FAT4: variants seen among roughly 807,000 people sequenced by gnomAD.
The protein encoded by FAT4 is FAT atypical cadherin 4, also known as protocadherin Fat 4.
In FAT4, 84 loss-of-function variants were observed where a neutral mutation model predicts 303.9. That is an observed-to-expected ratio of 0.28 (90% CI 0.23 to 0.33). The LOEUF (loss-of-function observed/expected upper bound fraction) is 0.33, where lower values mean the gene tolerates loss of function less well. Among genes scored for constraint, FAT4 ranks in the 10% least tolerant of loss-of-function variants. The probability of loss-of-function intolerance (pLI) is 1.00; values close to 1 mark genes in which losing one functional copy is unlikely to be tolerated. For missense variants in FAT4, 6,005 were observed against 6,146.8 expected, an observed-to-expected ratio of 0.98 and a Z score of 0.77; for synonymous variants, 2,307 against 2,298.8, an observed-to-expected ratio of 1.00 and a Z score of -0.10.
At chr4:125,458,856 C>CA (rs962068456) in intron 10 of FAT4, among the ~76,000 whole-genome samples, 1 of 151,596 alleles carries the variant, frequency 6.6e-6, no homozygotes, top group Non-Finnish European at 1.5e-5. Flanking sequence ...TGTTTCAATG[C>CA]AAAAAAGCCA....
chr4:125,465,098 A>G (rs896088500), intron 11 of FAT4, among the ~76,000 whole-genome samples: 1 of 152,212 alleles, frequency 6.6e-6, no homozygotes, highest in African/African-American at 2.4e-5. Flanking sequence ...GTATTTTACC[A>G]ATGGTTTTGA....
chr4:125,328,490 G>GT (rs369322467), intron 2 of FAT4, among the ~76,000 whole-genome samples: 165 of 152,290 alleles, frequency 1.1e-3, no homozygotes, highest in African/African-American at 3.6e-3. Flanking sequence ...CGATCAGTGA[G>GT]TAAAAACCAA....
Position 125,384,681 on chromosome 4 carries a change from A to G in FAT4, c.5176-14103A>G, listed in dbSNP as rs531529560. Among the ~76,000 whole-genome samples the G allele has an allele frequency of 4.6e-5, 7 of 152,208 alleles. No individual in the cohort carries two copies. The South Asian group carries it at 6.2e-4, about 14-fold the overall frequency. On this transcript the variant is annotated intron_variant, in intron 2 of 17. Transcript: ENST00000394329. ...ATGAAGTCTAAATTTCCAGTCTTCT[A>G]TCACTTGTGCTTTTCCTTTAGACTC...
chr4:125,402,350 T>G (rs549877482), intron 3 of FAT4, among the ~76,000 whole-genome samples: 1 of 152,108 alleles, frequency 6.6e-6, no homozygotes, highest in East Asian at 1.9e-4. Context: ...CCTCACCCAC[T>G]TTACTAAAAT....
intron 2 of FAT4, among the ~76,000 whole-genome samples, chr4:125,324,387 C>A (rs1731073786): frequency 6.6e-6 from 1 of 152,090 alleles, no homozygotes; most frequent in African/African-American, 2.4e-5. Context: ...TGGCATATTA[C>A]CTGATGTATA....
rs560878680 is a variant in FAT4 at position 125,315,612 on chromosome 4, C to A, written c.-378C>A. ...GGTGAAAAATGCCGAGGAGCCCTGG[C>A]TGTTGTTTGTGCCGGACCACGGGCT... On this transcript the variant is annotated 5_prime_UTR_variant, in exon 1 of 18. In the 5' UTR this introduces an upstream ATG that the reference lacks. Coordinates refer to ENST00000394329, the MANE Select transcript of FAT4 (RefSeq NM_001291303.3). Among the ~76,000 whole-genome samples the A allele has an allele frequency of 6.6e-6, 1 of 152,300 alleles. No homozygotes were observed. The highest frequency in any genetic ancestry group is 1.5e-5 in the Non-Finnish European group (1 of 68,030).
intron 11 of FAT4, among the ~76,000 whole-genome samples, chr4:125,464,984 G>T (rs6841437): frequency 0.01 from 1,569 of 152,158 alleles, 14 homozygotes; most frequent in Middle Eastern, 0.017. Flanking sequence ...AATTTACTAG[G>T]TATTTTTAAT....
chr4:125,388,978 A>C (rs1319459389), intron 2 of FAT4, among the ~76,000 whole-genome samples: 11 of 152,182 alleles, frequency 7.2e-5, no homozygotes, highest in African/African-American at 2.4e-4. Flanking sequence ...GAAGAGTTTT[A>C]GTGGTGAGAG....
chr4:125,481,470 A>G (rs1362524030), intron 15 of FAT4, 51 bp from the exon 16 acceptor site: 1 of 1,540,928 alleles, frequency 6.5e-7, no homozygotes, highest in Non-Finnish European at 8.9e-7. Context: ...AAACACTCCA[A>G]GAAATGCCAA....
chr4:125,475,565 A>G (rs1726998453), intron 12 of FAT4, among the ~76,000 whole-genome samples: 1 of 152,148 alleles, frequency 6.6e-6, no homozygotes, highest in Non-Finnish European at 1.5e-5. Context: ...CATCCTGATT[A>G]TACAGAAATA....
At position 125,475,576 on chromosome 4, in the gene FAT4, T is replaced by C. The variant is rs185559636; in HGVS notation, c.12214-595T>C. ...AATACATCCTGATTATACAGAAATA[T>C]GCTGTAATGTTATTTATAAATAATT... On this transcript the variant is annotated intron_variant, in intron 12 of 17. Transcript: ENST00000394329. Among the ~76,000 whole-genome samples the C allele has an allele frequency of 1.0e-3, 155 of 152,224 alleles. 1 individual carries two copies. Among genetic ancestry groups the C allele is most frequent in the African/African-American group, 3.6e-3 (149 of 41,568 alleles).
chr4:125,443,064 C>T (rs1258055433), intron 8 of FAT4, among the ~76,000 whole-genome samples: 1 of 152,118 alleles, frequency 6.6e-6, no homozygotes, highest in Non-Finnish European at 1.5e-5. Context: ...TCCAAGTGAA[C>T]TATGTTCTAA....
intron 2 of FAT4, among the ~76,000 whole-genome samples, chr4:125,352,221 G>A (rs1284517231): frequency 6.6e-6 from 1 of 151,344 alleles, no homozygotes; most frequent in African/African-American, 2.4e-5. Context: ...TTACGTTAGT[G>A]GTAATTAAAA....
intron 7 of FAT4, among the ~76,000 whole-genome samples, chr4:125,420,201 A>ATT (rs1370676653): frequency 1.3e-5 from 2 of 152,172 alleles, no homozygotes; most frequent in African/African-American, 4.8e-5. Context: ...CCTATCTAAA[A>ATT]TTGTGTTCTT....
chr4:125,318,155 T>A lies in FAT4; in HGVS notation c.1744T>A (p.Phe582Ile). 1 of 1,614,154 alleles carries A rather than the reference T, an allele frequency of 6.2e-7. No individual in the cohort carries two copies. Among genetic ancestry groups the A allele is most frequent in the East Asian group, 2.2e-5 (1 of 44,858 alleles). ...AGATGTGAATGATGAAAAGCCAGTATTTAGCCAGCCAGAAGGGTATGATGT... is the reference window on the plus strand; with the variant it reads ...AGATGTGAATGATGAAAAGCCAGTAATTAGCCAGCCAGAAGGGTATGATGT... ...LLDVNDEKPV[F>I]SQPEGYDVSV... Residue 582 changes from phenylalanine (F) to isoleucine (I), a missense_variant, in exon 2 of 18, where the codon TTT (phenylalanine) becomes ATT (isoleucine). Physicochemically the swap from Phe to Ile is conservative, Grantham distance 21 (BLOSUM62 0). Coordinates refer to ENST00000394329, the MANE Select transcript of FAT4 (RefSeq NM_001291303.3).
chr4:125,449,070 G>C lies in FAT4; in HGVS notation c.8060G>C (p.Arg2687Pro), dbSNP rs777764521. 6.2e-7 allele frequency: 1 copy of C among 1,613,698 alleles called. No individual in the cohort carries two copies. The highest frequency in any genetic ancestry group is 8.5e-7 in the Non-Finnish European group (1 of 1,179,844). Reference sequence around the variant, plus strand: ...GAAATATTGGAAAACCTTTCCCCTCGAAAAATACTTACTGTTTCGGCAATG... The same window carrying C: ...GAAATATTGGAAAACCTTTCCCCTCCAAAAATACTTACTGTTTCGGCAATG... Reference protein sequence around the residue: ...ISEILENLSPRKILTVSAMDK... With the variant: ...ISEILENLSPPKILTVSAMDK... The change falls in exon 10 of 18, where the codon CGA becomes CCA. Residue 2687 changes from arginine to proline, a missense_variant. Transcript: ENST00000394329.
Position 125,451,958 on chromosome 4 carries a change from C to T in FAT4, c.10948C>T (p.His3650Tyr), listed in dbSNP as rs1198664511. ...PQDPDVLDSF[H>Y]CSLTSGVTSL... ...GGATCCAGATGTGTTAGACAGCTTCCACTGCTCCCTTACTTCAGGAGTTAC... is the reference window on the plus strand; with the variant it reads ...GGATCCAGATGTGTTAGACAGCTTCTACTGCTCCCTTACTTCAGGAGTTAC... The change falls in exon 10 of 18, where the codon CAC (histidine) becomes TAC (tyrosine). Residue 3650 changes from histidine (H) to tyrosine (Y), a missense_variant. Physicochemically the swap from His to Tyr is moderately conservative, Grantham distance 83. Transcript: ENST00000394329. 6.2e-7 allele frequency: 1 copy of T among 1,614,114 alleles called. No individual in the cohort carries two copies. Among genetic ancestry groups the T allele is most frequent in the South Asian group, 1.1e-5 (1 of 91,084 alleles).
At chr4:125,419,538 C>G (rs866490768) in intron 7 of FAT4, among the ~76,000 whole-genome samples, 5 of 152,130 alleles carry the variant, frequency 3.3e-5, no homozygotes, top group Non-Finnish European at 5.9e-5. Context: ...AACAGGCAAC[C>G]CAAGAACATT....
Position 125,316,718 on chromosome 4 carries a change from A to G in FAT4, c.307A>G (p.Ser103Gly). Residue 103 changes from serine to glycine, a missense_variant, in exon 2 of 18, where the codon AGC becomes GGC. Ser to Gly is a moderately conservative substitution (Grantham distance 56). Coordinates refer to ENST00000394329, the MANE Select transcript of FAT4 (RefSeq NM_001291303.3). This position sits in a 1 kb window ranked among gnomAD's most constrained non-coding sequence, Gnocchi z 5.7. ...CACCATCGACCGCGAGAGCCTGCCC[A>G]GCGACGTGATCAACCTGGTGGTCCT... ...TSTIDRESLP[S>G]DVINLVVLSS... 2 of 1,613,838 alleles carry G rather than the reference A, an allele frequency of 1.2e-6. No individual in the cohort carries two copies. The highest frequency in any genetic ancestry group is 1.7e-6 in the Non-Finnish European group (2 of 1,180,010).
Sources: gnomAD v4.1 joint callset for allele counts (sites outside exome capture counted in the v4.1 genomes callset) on GRCh38, gnomAD v4.1.1 for gene constraint, Gnocchi (gnomAD v3.1) non-coding constraint, MANE v1.5 for transcripts, NCBI Gene and HGNC (gene_info 2026-07-23, HGNC 2026-07-21) for gene names.